PRDM10: variants seen among roughly 807,000 people sequenced by gnomAD.
PRDM10 encodes the protein PR domain zinc finger protein 10.
A neutral mutation model predicts 133.1 loss-of-function variants in PRDM10; 65 were observed. The ratio of observed to expected loss-of-function variants is 0.49; its 90% CI spans 0.40 to 0.60. The LOEUF (loss-of-function observed/expected upper bound fraction) is 0.60, where lower values mean the gene tolerates loss of function less well. Ranked by LOEUF, PRDM10 falls within the 20% of genes least tolerant of loss-of-function variation. The pLI, the probability that PRDM10 is intolerant of heterozygous loss-of-function variation, is 0.00. For missense variants in PRDM10, 1,137 were observed against 1,507.1 expected (o/e 0.75, Z 4.07); for synonymous variants, 582 against 580.4 (o/e 1.00, Z -0.04).
rs759125313 is a variant in PRDM10, at chr11:129,937,658, C to T, written c.979G>A (p.Ala327Thr). 18 of 1,612,742 alleles carry T rather than the reference C, an allele frequency of 1.1e-5. No homozygotes were observed. The highest frequency in any genetic ancestry group is 1.7e-6 in the Non-Finnish European group (2 of 1,179,704). ...PKQELKVWYA[A>T]SYAEFVNQKI... Reference sequence around the variant, plus strand: ...TGGTTCACGAACTCAGCATAGGATGCGGCATACCACACCTGCAAGAAGCAA... The same window carrying T: ...TGGTTCACGAACTCAGCATAGGATGTGGCATACCACACCTGCAAGAAGCAA... Residue 327 changes from alanine to threonine, a missense_variant, in exon 8 of 21, where the codon GCA becomes ACA. Ala to Thr is a moderately conservative substitution (Grantham distance 58). This residue lies in a region of PRDM10 where 635 missense variants were observed against 835.2 expected (regional missense o/e 0.76). Coordinates refer to ENST00000360871, the MANE Select transcript of PRDM10 (RefSeq NM_199437.2).
chr11:129,988,913 G>C (rs1022310363), intron 1 of PRDM10, among the ~76,000 whole-genome samples: 3 of 152,188 alleles, frequency 2.0e-5, no homozygotes, highest in African/African-American at 4.8e-5. Flanking sequence ...ACAGGCGTGA[G>C]CCACTGCGCC....
chr11:129,944,649 T>A, intron 6 of PRDM10, 122 bp downstream of exon 6: 1 of 1,383,280 alleles, frequency 7.2e-7, no homozygotes, highest in Non-Finnish European at 9.8e-7. Context: ...CAAGTTAAGA[T>A]AGAAAGAAGA....
chr11:129,981,388 T>C (rs1009252705), intron 1 of PRDM10, among the ~76,000 whole-genome samples: 2 of 152,194 alleles, frequency 1.3e-5, no homozygotes, highest in Admixed American at 1.3e-4. Flanking sequence ...TTTCCACTGA[T>C]CTATCATATA....
chr11:129,954,694 A>C (rs1036363800), intron 4 of PRDM10, among the ~76,000 whole-genome samples: 2 of 152,054 alleles, frequency 1.3e-5, no homozygotes, highest in African/African-American at 4.8e-5. Flanking sequence ...TATTTTTGAG[A>C]CAGGGCCTTA....
At chr11:129,933,198 A>G (rs923177614) in intron 9 of PRDM10, among the ~76,000 whole-genome samples, 1 of 152,242 alleles carries the variant, frequency 6.6e-6, no homozygotes, top group Non-Finnish European at 1.5e-5. Context: ...CATCCATTTA[A>G]TAATTTAACA....
At chr11:129,913,605 T>C (rs1950261501) in intron 17 of PRDM10, among the ~76,000 whole-genome samples, 2 of 152,200 alleles carry the variant, frequency 1.3e-5, no homozygotes, top group African/African-American at 4.8e-5. Context: ...TAAACATCTT[T>C]GAAAAAGTAG....
chr11:129,937,825 T>C (rs2135842325), intron 7 of PRDM10, among the ~76,000 whole-genome samples, 155 bp from the exon 8 acceptor site: 1 of 152,212 alleles, frequency 6.6e-6, no homozygotes, highest in East Asian at 1.9e-4. Context: ...CCCCTTGCAA[T>C]ACCTTTCCAG....
Position 129,956,728 on chromosome 11 carries a change from T to C in PRDM10, c.234+1018A>G, listed in dbSNP as rs73577245. 4.1e-3 allele frequency among the ~76,000 whole-genome samples: 623 copies of C among 152,340 alleles called. 2 individuals carry two copies. Among genetic ancestry groups the C allele is most frequent in the African/African-American group, 0.014 (588 of 41,568 alleles). ...AAGTACCACTAAGTCTTCAGTGATT[T>C]CATACTTATGTAGATTTGAAAGGCA... On this transcript the variant is annotated intron_variant, in intron 3 of 20. Transcript: ENST00000360871.
chr11:129,961,822 T>C (rs1456384876), intron 1 of PRDM10, among the ~76,000 whole-genome samples: 1 of 152,174 alleles, frequency 6.6e-6, no homozygotes, highest in African/African-American at 2.4e-5. Flanking sequence ...ATTTTGCATA[T>C]ATATTTGTGT....
chr11:129,998,101 A>C (rs1023632130), intron 1 of PRDM10, among the ~76,000 whole-genome samples: 3 of 151,720 alleles, frequency 2.0e-5, no homozygotes, highest in Non-Finnish European at 4.4e-5. Context: ...TTATAATAGT[A>C]TATTGCATTT....
At chr11:129,959,759 A>G (rs1951760168) in intron 2 of PRDM10, among the ~76,000 whole-genome samples, 1 of 152,106 alleles carries the variant, frequency 6.6e-6, no homozygotes, top group Non-Finnish European at 1.5e-5. Context: ...GAACTTTTTT[A>G]AGTAATCAGA....
At chr11:129,972,114 A>AT (rs964366349) in intron 1 of PRDM10, among the ~76,000 whole-genome samples, 1 of 152,148 alleles carries the variant, frequency 6.6e-6, no homozygotes, top group Non-Finnish European at 1.5e-5. Flanking sequence ...GGCTGCTCCG[A>AT]GTGTGGGGCC....
intron 1 of PRDM10, among the ~76,000 whole-genome samples, chr11:129,982,211 A>G (rs1236997728): frequency 6.6e-6 from 1 of 151,904 alleles, no homozygotes. Flanking sequence ...GTGAGCTGTG[A>G]TGGTACCACT....
chr11:129,929,153 AT>A (rs1361258072), intron 11 of PRDM10, among the ~76,000 whole-genome samples: 1 of 152,262 alleles, frequency 6.6e-6, no homozygotes, highest in African/African-American at 2.4e-5. Flanking sequence ...TGCATAAGTC[AT>A]TCCAATGGTT....
At chr11:129,955,308 TTA>T (rs1323884191) in intron 4 of PRDM10, among the ~76,000 whole-genome samples, 1 of 152,250 alleles carries the variant, frequency 6.6e-6, no homozygotes, top group Non-Finnish European at 1.5e-5. Context: ...TCACTTTCTA[TTA>T]TCAGATTATT....
chr11:129,922,870 A>G (rs1450754278), intron 13 of PRDM10, among the ~76,000 whole-genome samples: 5 of 152,196 alleles, frequency 3.3e-5, no homozygotes, highest in Non-Finnish European at 7.3e-5. Context: ...TGCTGGCTGC[A>G]AGGCTCAATT....
At chr11:129,907,978 G>A (rs1950067413) in intron 19 of PRDM10, among the ~76,000 whole-genome samples, 1 of 150,916 alleles carries the variant, frequency 6.6e-6, no homozygotes, top group African/African-American at 2.4e-5. Flanking sequence ...GTATGTGCCT[G>A]TAGTCCTAGC....
Position 129,905,363 on chromosome 11 carries a change from G to GAAAAAAAA in PRDM10, c.3267+267_3267+274dup, listed in dbSNP as rs57268294. On this transcript the variant is annotated intron_variant, in intron 20 of 20. Coordinates refer to ENST00000360871, the MANE Select transcript of PRDM10 (RefSeq NM_199437.2). Reference sequence around the variant, plus strand: ...GGCGACACAGCAAGACTCTGTCTCAGAAAAAAAAAAAAAAAAAAAAGGCTC... The same window carrying GAAAAAAAA: ...GGCGACACAGCAAGACTCTGTCTCAGAAAAAAAAAAAAAAAAAAAAAAAAAAAAGGCTC... Among the ~76,000 whole-genome samples, 2 of 69,442 alleles carry GAAAAAAAA rather than the reference G, an allele frequency of 2.9e-5. 1 individual carries two copies. Among genetic ancestry groups the GAAAAAAAA allele is most frequent in the Non-Finnish European group, 5.5e-5 (2 of 36,242 alleles). 45.6% of individuals were successfully genotyped at this position (69,442 alleles called of 152,430 possible). A position where few individuals can be genotyped will look rare whatever the true frequency, so the allele number is the denominator to read the frequency against.
intron 1 of PRDM10, among the ~76,000 whole-genome samples, chr11:129,980,328 C>T (rs1938033810): frequency 1.3e-5 from 2 of 152,160 alleles, no homozygotes; most frequent in Admixed American, 1.3e-4. Context: ...CCGACCTTGA[C>T]CCCCGGGGCC....
Sources: allele counts gnomAD v4.1 joint callset (sites outside exome capture counted in the v4.1 genomes callset), GRCh38; gene constraint gnomAD v4.1.1; regional missense constraint gnomAD v4.1.1; transcripts MANE v1.5; gene names NCBI Gene and HGNC (gene_info 2026-07-23, HGNC 2026-07-21).